ZFHX3: variants seen among roughly 807,000 people sequenced by gnomAD.
ZFHX3 encodes the protein zinc finger homeobox protein 3.
In ZFHX3, 42 loss-of-function variants were observed where a neutral mutation model predicts 279.1. That is an observed-to-expected ratio of 0.15 (90% CI 0.12 to 0.19). The LOEUF (loss-of-function observed/expected upper bound fraction) is 0.19. Ranked by LOEUF, ZFHX3 falls within the 10% of genes least tolerant of loss-of-function variation. The pLI, the probability that ZFHX3 is intolerant of heterozygous loss-of-function variation, is 1.00. For synonymous variants in ZFHX3, 2,293 were observed against 1,957.8 expected (o/e 1.17, Z -4.52); for missense variants, 4,981 against 4,754.0 (o/e 1.05, Z -1.40).
intron 2 of ZFHX3, among the ~76,000 whole-genome samples, chr16:73,458,703 A>AC (rs2018420695): frequency 6.6e-6 from 1 of 151,952 alleles, no homozygotes. Flanking sequence ...ACCCCAGGTC[A>AC]CCCCCAACCT....
chr16:73,468,656 G>C (rs535175468), intron 2 of ZFHX3, among the ~76,000 whole-genome samples: 231 of 152,264 alleles, frequency 1.5e-3, no homozygotes, highest in African/African-American at 5.1e-3. Flanking sequence ...AGAATCATTT[G>C]AGCCCTGGAG....
chr16:73,019,094 A>T (rs1479209460), intron 1 of ZFHX3, among the ~76,000 whole-genome samples: 1 of 152,214 alleles, frequency 6.6e-6, no homozygotes, highest in African/African-American at 2.4e-5. Context: ...GCACCTTTTC[A>T]TCCTGGCTCA....
intron 4 of ZFHX3, among the ~76,000 whole-genome samples, chr16:72,881,073 A>G (rs2038454707): frequency 6.6e-6 from 1 of 152,226 alleles, no homozygotes; most frequent in Admixed American, 6.5e-5. Context: ...ATGTAGCCCC[A>G]AACCTAGCCT....
rs141913546 is a variant in ZFHX3, at chr16:73,153,304, A to T, written c.-1103-9473T>A. On this transcript the variant is annotated intron_variant, in intron 5 of 17. Coordinates refer to the ZFHX3 transcript ENST00000641206. ...TTAAGTTTATTTTATGTTTTTAGAG[A>T]CAAGGTGTCTCCCTACGTTGCCTAG... Among the ~76,000 whole-genome samples the T allele has an allele frequency of 6.6e-5, 10 of 152,296 alleles. No homozygotes were observed. In the East Asian group the frequency reaches 1.7e-3, roughly 27 times the overall value.
At chr16:73,521,591 G>C (rs1388642412) in intron 2 of ZFHX3, among the ~76,000 whole-genome samples, 1 of 152,006 alleles carries the variant, frequency 6.6e-6, no homozygotes, top group African/African-American at 2.4e-5. Context: ...TTTCGCCGGT[G>C]GCTCTCATAG....
At chr16:73,501,211 C>T (rs533984455) in intron 2 of ZFHX3, among the ~76,000 whole-genome samples, 1 of 152,298 alleles carries the variant, frequency 6.6e-6, no homozygotes, top group Non-Finnish European at 1.5e-5. Context: ...ATAGCCTAGG[C>T]GTGTAGTAGG....
intron 6 of ZFHX3, among the ~76,000 whole-genome samples, chr16:73,132,589 G>T (rs1966707871): frequency 6.6e-6 from 1 of 152,146 alleles, no homozygotes; most frequent in Non-Finnish European, 1.5e-5. Flanking sequence ...TTCATGGTCT[G>T]GTCTGCTATA....
At chr16:72,928,188 AG>A (rs1289406434) in intron 3 of ZFHX3, among the ~76,000 whole-genome samples, 1,928 of 5,110 alleles carry the variant, frequency 0.38, 463 homozygotes, top group African/African-American at 0.54. Context: ...GGAGAGAGGG[AG>A]GGGGAGGGGA....
chr16:73,626,036 T>G (rs1476141243), intron 2 of ZFHX3, among the ~76,000 whole-genome samples: 1 of 152,122 alleles, frequency 6.6e-6, no homozygotes, highest in African/African-American at 2.4e-5. Flanking sequence ...TTTTCTATTT[T>G]TAGTAGAGAC....
In ZFHX3 at chr16:72,796,558, G is replaced by A. The variant is rs201861950; in HGVS notation, c.6124C>T (p.Pro2042Ser). ...GGGGGTGGAGGGGGTGGAGGGGGAG[G>A]TGGTGGTGGCTCTGGGGTCTGGGGC... ...LRPQTPEPPPPPPPPPPPPLP... is the reference protein window; with the variant it reads ...LRPQTPEPPPSPPPPPPPPLP... Residue 2042 changes from proline (P) to serine (S), a missense_variant, in exon 9 of 10, where the codon CCT becomes TCT. Physicochemically the swap from Pro to Ser is moderately conservative, Grantham distance 74 (BLOSUM62 -1). Transcript: ENST00000268489. 5.3e-5 allele frequency: 85 copies of A among 1,609,232 alleles called. No homozygotes were observed. Among genetic ancestry groups the A allele is most frequent in the Admixed American group, 5.0e-5 (3 of 59,686 alleles).
chr16:73,256,850 T>C (rs547865644), intron 5 of ZFHX3, among the ~76,000 whole-genome samples: 104 of 152,258 alleles, frequency 6.8e-4, no homozygotes, highest in Non-Finnish European at 8.5e-4. Flanking sequence ...TCAAGTCCTG[T>C]TGGACATGTA....
chr16:72,844,290 C>T (rs2037421659), intron 4 of ZFHX3, among the ~76,000 whole-genome samples: 1 of 152,168 alleles, frequency 6.6e-6, no homozygotes, highest in African/African-American at 2.4e-5. Flanking sequence ...GTCAACAGAC[C>T]CTTTTTTCCC....
At chr16:73,857,193 A>G (rs1438540271) in intron 1 of ZFHX3, among the ~76,000 whole-genome samples, 2 of 152,268 alleles carry the variant, frequency 1.3e-5, no homozygotes, top group Non-Finnish European at 2.9e-5. Context: ...CATAAAACCA[A>G]TTCAGCTTAG....
chr16:73,032,641 C>T (rs1268432188), intron 1 of ZFHX3, among the ~76,000 whole-genome samples: 1 of 151,916 alleles, frequency 6.6e-6, no homozygotes. Flanking sequence ...AGATGGGGGC[C>T]TCCCAACATC....
chr16:73,013,219 C>A (rs1022833205), intron 1 of ZFHX3, among the ~76,000 whole-genome samples: 1 of 152,206 alleles, frequency 6.6e-6, no homozygotes, highest in African/African-American at 2.4e-5. Context: ...CTCCACTGAA[C>A]CTTTGCTCTT....
intron 2 of ZFHX3, among the ~76,000 whole-genome samples, chr16:73,667,085 G>A (rs1034864399): frequency 1.3e-4 from 20 of 150,336 alleles, no homozygotes; most frequent in East Asian, 5.8e-4. Flanking sequence ...TCCACCTCTC[G>A]GGTTCAAGCG....
chr16:73,119,130 G>T (rs1010080668), intron 7 of ZFHX3, among the ~76,000 whole-genome samples: 2 of 152,028 alleles, frequency 1.3e-5, no homozygotes, highest in Middle Eastern at 3.4e-3. Flanking sequence ...TTGAGACAGG[G>T]TCTCACTTTG....
In ZFHX3 at chr16:73,267,158, C is replaced by T. The variant is rs555276929; in HGVS notation, c.-1193-10022G>A. ...AAAATATCTATGGCAGATACGTTTGCCTGGGATTAGCGGAAGGGCAGAAGG... is the reference window on the plus strand; with the variant it reads ...AAAATATCTATGGCAGATACGTTTGTCTGGGATTAGCGGAAGGGCAGAAGG... On this transcript the variant is annotated intron_variant, in intron 4 of 17. Coordinates refer to the ZFHX3 transcript ENST00000641206. Among the ~76,000 whole-genome samples the T allele has an allele frequency of 2.6e-5, 4 of 152,216 alleles. No individual in the cohort carries two copies. The East Asian group carries it at 5.8e-4, about 22-fold the overall frequency.
At chr16:73,299,260 C>T (rs7188797) in intron 4 of ZFHX3, among the ~76,000 whole-genome samples, 84,759 of 151,950 alleles carry the variant, frequency 0.56, 24,313 homozygotes, top group Non-Finnish European at 0.62. Context: ...CCGAACATTG[C>T]TGTTCAGCCC....
Sources: allele counts gnomAD v4.1 joint callset (sites outside exome capture counted in the v4.1 genomes callset), GRCh38; gene constraint gnomAD v4.1.1; transcripts MANE v1.5; gene names NCBI Gene and HGNC (gene_info 2026-07-23, HGNC 2026-07-21).